The following ENPP1 variants were observed in gnomAD, a reference collection of about 807,000 sequenced individuals.
ENPP1 encodes the protein ectonucleotide pyrophosphatase/phosphodiesterase family member 1.
ENPP1 carries 73 observed loss-of-function variants against 122.8 expected under a neutral mutation model. That is an observed-to-expected ratio of 0.59 (90% CI 0.49 to 0.72). The LOEUF is 0.72. Ranked by LOEUF, ENPP1 falls within the 30% of genes least tolerant of loss-of-function variation. ENPP1 has a pLI of 0.00. For synonymous variants in ENPP1, 367 were observed against 391.6 expected (o/e 0.94, Z 0.74); for missense variants, 978 against 1,128.1 (o/e 0.87, Z 1.91).
chr6:131,825,870 A>G (rs1781539504), intron 1 of ENPP1: 2 of 274,224 alleles, frequency 7.3e-6, no homozygotes, highest in Non-Finnish European at 1.4e-5. Flanking sequence ...AATTTTTTTC[A>G]TAATAGTCAC....
intron 1 of ENPP1, among the ~76,000 whole-genome samples, chr6:131,835,771 A>G (rs1781666228): frequency 6.6e-6 from 1 of 151,960 alleles, no homozygotes; most frequent in Admixed American, 6.6e-5. Flanking sequence ...TCATGTGTCC[A>G]TGTGTTCTCA....
intron 1 of ENPP1, among the ~76,000 whole-genome samples, chr6:131,811,661 TAGTG>T (rs559535707): frequency 5.6e-4 from 86 of 152,248 alleles, no homozygotes; most frequent in Non-Finnish European, 7.6e-4. Context: ...AACATGAAGA[TAGTG>T]GGTGAGGCAG....
intron 22 of ENPP1, among the ~76,000 whole-genome samples, chr6:131,884,168 G>T (rs1585843354): frequency 6.6e-6 from 1 of 152,112 alleles, no homozygotes; most frequent in East Asian, 1.9e-4. Flanking sequence ...ACTTTTACAG[G>T]AATAAAAATT....
chr6:131,877,838 CAAAAAAAAAAA>C (rs1169868832), intron 18 of ENPP1: 2 of 12,110 alleles, frequency 1.7e-4, no homozygotes, highest in African/African-American at 3.5e-4. Context: ...GACCCTTTCT[CAAAAAAAAAAA>C]AAAAAAAAAA....
intron 1 of ENPP1, among the ~76,000 whole-genome samples, chr6:131,837,131 C>G (rs1282991628): frequency 6.7e-6 from 1 of 149,120 alleles, no homozygotes; most frequent in Non-Finnish European, 1.5e-5. Context: ...CCACCAAGAA[C>G]AAGAGTGAGT....
At chr6:131,884,300 C>T (rs186829933) in intron 22 of ENPP1, among the ~76,000 whole-genome samples, 5 of 152,122 alleles carry the variant, frequency 3.3e-5, no homozygotes, top group Non-Finnish European at 7.4e-5. Flanking sequence ...AATAGGAAAT[C>T]GGAATAATAT....
At chr6:131,830,044 A>G (rs1196320140) in intron 1 of ENPP1, among the ~76,000 whole-genome samples, 1 of 152,186 alleles carries the variant, frequency 6.6e-6, no homozygotes, top group Non-Finnish European at 1.5e-5. Context: ...CTTGGGAAAC[A>G]GACTATTAGA....
Position 131,847,843 on chromosome 6 carries a change from A to C in ENPP1, c.308A>C (p.Lys103Thr). The C allele has an allele frequency of 6.3e-7, 1 of 1,597,500 alleles. No homozygotes were observed. The highest frequency in any genetic ancestry group is 8.6e-7 in the Non-Finnish European group (1 of 1,168,256). ...TTTGGGTTGAAACCAAGCTGTGCCA[A>C]AGAAGGTAATTAGGTGTGTGTGTGT... ...CIFGLKPSCA[K>T]EVKSCKGRCF... is the part of the protein sequence containing the mutation. The change falls in exon 2 of 25, where the codon AAA becomes ACA. Residue 103 changes from lysine to threonine, a missense_variant. Transcript: ENST00000647893.
intron 2 of ENPP1, 49 bp downstream of exon 2, chr6:131,847,897 G>GTA (rs1484216349): frequency 4.7e-5 from 53 of 1,124,730 alleles, no homozygotes; most frequent in Non-Finnish European, 6.2e-5. Context: ...GTGTGTGTAT[G>GTA]TGTGTGCACA....
At chr6:131,867,648 T>G (rs552033916) in intron 11 of ENPP1, among the ~76,000 whole-genome samples, 2 of 152,282 alleles carry the variant, frequency 1.3e-5, no homozygotes, top group South Asian at 4.1e-4. Context: ...GGCCAAACAC[T>G]GTAGATTTGA....
At chr6:131,886,946 T>A (rs1172197770) in intron 24 of ENPP1, among the ~76,000 whole-genome samples, 2 of 107,464 alleles carry the variant, frequency 1.9e-5, no homozygotes, top group Non-Finnish European at 4.2e-5. Context: ...TTTTTTTTTT[T>A]AGAGATAGGG....
chr6:131,851,683 A>G (rs935109797), intron 4 of ENPP1, among the ~76,000 whole-genome samples: 1 of 152,140 alleles, frequency 6.6e-6, no homozygotes, highest in African/African-American at 2.4e-5. Context: ...GTGCATTGAG[A>G]GAGTCGATGT....
In ENPP1 at chr6:131,890,395, C is replaced by T. The variant is rs184483616; in HGVS notation, c.2662C>T (p.Arg888Trp). The change falls in exon 25 of 25, where the codon CGG becomes TGG. Residue 888 changes from arginine to tryptophan, a missense_variant. Transcript: ENST00000647893. ...VEELLMLHRA[R>W]ITDVEHITGL... ...AGAATTGTTAATGTTACACAGAGCA[C>T]GGATCACAGATGTTGAGCACATCAC... is the stretch of plus-strand genomic sequence containing the variant. 2.9e-5 allele frequency: 47 copies of T among 1,613,054 alleles called. No individual in the cohort carries two copies. Among genetic ancestry groups the T allele is most frequent in the Non-Finnish European group, 3.8e-5 (45 of 1,179,072 alleles).
At chr6:131,865,427 C>T (rs1585827408) in intron 11 of ENPP1, among the ~76,000 whole-genome samples, 3 of 152,230 alleles carry the variant, frequency 2.0e-5, no homozygotes, top group East Asian at 3.9e-4. Flanking sequence ...TATTTGAATA[C>T]GTGATTTTGT....
At chr6:131,871,067 T>A (rs577023061) in intron 13 of ENPP1, among the ~76,000 whole-genome samples, 66 of 150,926 alleles carry the variant, frequency 4.4e-4, no homozygotes, top group Admixed American at 1.8e-3. Context: ...AGAGAGAGAC[T>A]CCATCTAAAA....
At chr6:131,864,832 G>T in intron 10 of ENPP1, 34 bp from the exon 11 acceptor site, 1 of 1,377,448 alleles carries the variant, frequency 7.3e-7, no homozygotes, top group Non-Finnish European at 1.0e-6. Context: ...CAATGTGTTC[G>T]TAAAATATTA....
chr6:131,890,425 C>T lies in ENPP1; in HGVS notation c.2692C>T (p.Leu898Phe). 6.2e-7 allele frequency: 1 copy of T among 1,613,226 alleles called. No homozygotes were observed. Among genetic ancestry groups the T allele is most frequent in the Non-Finnish European group, 8.5e-7 (1 of 1,179,130 alleles). Residue 898 changes from leucine to phenylalanine, a missense_variant, in exon 25 of 25, where the codon CTC becomes TTC. Physicochemically the swap from Leu to Phe is conservative, Grantham distance 22. Transcript: ENST00000647893. ...RITDVEHITGLSFYQQRKEPV... is the reference protein window; with the variant it reads ...RITDVEHITGFSFYQQRKEPV... ...CACAGATGTTGAGCACATCACTGGACTCAGCTTCTATCAACAAAGAAAAGA... is the reference window on the plus strand; with the variant it reads ...CACAGATGTTGAGCACATCACTGGATTCAGCTTCTATCAACAAAGAAAAGA...
chr6:131,823,989 T>C (rs1781513923), intron 1 of ENPP1, among the ~76,000 whole-genome samples: 1 of 150,752 alleles, frequency 6.6e-6, no homozygotes, highest in Non-Finnish European at 1.5e-5. Context: ...GGGTTCAATA[T>C]TGTTATTGCT....
At position 131,882,476 on chromosome 6, in the gene ENPP1, T is replaced by A; in HGVS notation, c.2230+2T>A. ...GTTACGGGTTCCTCTCCCCACCACG[T>A]AAGTTTTTTCCTCTCCTGACCTTCC... On this transcript the variant is annotated splice_donor_variant, in intron 21 of 24. Coordinates refer to ENST00000647893, the MANE Select transcript of ENPP1 (RefSeq NM_006208.3). LOFTEE classifies it high-confidence loss of function. The A allele has an allele frequency of 6.2e-7, 1 of 1,603,754 alleles. No homozygotes were observed. The highest frequency in any genetic ancestry group is 8.5e-7 in the Non-Finnish European group (1 of 1,173,700).
Sources: allele counts gnomAD v4.1 joint callset (sites outside exome capture counted in the v4.1 genomes callset), GRCh38; gene constraint gnomAD v4.1.1; transcripts MANE v1.5; gene names NCBI Gene and HGNC (gene_info 2026-07-23, HGNC 2026-07-21).